RYR3: variants seen among roughly 807,000 people sequenced by gnomAD.
RYR3 encodes ryanodine receptor 3.
In RYR3, 207 loss-of-function variants were observed where a neutral mutation model predicts 584.3. The ratio of observed to expected loss-of-function variants is 0.35; its 90% CI spans 0.32 to 0.40. The LOEUF (loss-of-function observed/expected upper bound fraction) is 0.40. Among genes scored for constraint, RYR3 ranks in the 10% least tolerant of loss-of-function variants. The probability of loss-of-function intolerance (pLI) is 1.00; values close to 1 mark genes in which losing one functional copy is unlikely to be tolerated. For missense variants in RYR3, 5,616 were observed against 6,089.2 expected, an observed-to-expected ratio of 0.92 and a Z score of 2.59; for synonymous variants, 2,416 against 2,248.5, an observed-to-expected ratio of 1.07 and a Z score of -2.11.
At chr15:33,441,889 A>T (rs1042822428) in intron 1 of RYR3, among the ~76,000 whole-genome samples, 1 of 152,194 alleles carries the variant, frequency 6.6e-6, no homozygotes, top group African/African-American at 2.4e-5. Context: ...TAGGAAAGAG[A>T]AGACACAGGA....
chr15:33,638,202 G>T (rs1391860875), intron 27 of RYR3, among the ~76,000 whole-genome samples: 1 of 152,166 alleles, frequency 6.6e-6, no homozygotes, highest in African/African-American at 2.4e-5. Context: ...GAATGATGTT[G>T]CCAGAAGAAG....
chr15:33,522,079 C>A (rs1366548654), intron 3 of RYR3, among the ~76,000 whole-genome samples: 12 of 144,236 alleles, frequency 8.3e-5, no homozygotes. Flanking sequence ...TATGGCAAAA[C>A]CCCATCTCTA....
chr15:33,398,543 T>A (rs1261030677), intron 1 of RYR3, among the ~76,000 whole-genome samples: 1 of 152,164 alleles, frequency 6.6e-6, no homozygotes. Flanking sequence ...AATTAGTCAG[T>A]GTATCTATAC....
intron 27 of RYR3, among the ~76,000 whole-genome samples, chr15:33,641,846 G>A (rs946892108): frequency 3.3e-5 from 5 of 152,196 alleles, no homozygotes; most frequent in African/African-American, 1.2e-4. Flanking sequence ...TGCCCCACAG[G>A]GACAACACTT....
intron 45 of RYR3, among the ~76,000 whole-genome samples, chr15:33,725,899 G>A (rs1031457308): frequency 4.1e-5 from 6 of 148,030 alleles, no homozygotes; most frequent in South Asian, 2.1e-4. Flanking sequence ...GAACCTGGGA[G>A]GCGGAGCTTG....
At chr15:33,613,112 C>T in intron 18 of RYR3, 71 bp from the exon 19 acceptor site, 3 of 1,238,724 alleles carry the variant, frequency 2.4e-6, no homozygotes, top group Non-Finnish European at 3.5e-6. Context: ...CCGCAGAGGC[C>T]TCTGAGCCTT....
intron 31 of RYR3, among the ~76,000 whole-genome samples, chr15:33,651,614 C>T (rs567872643): frequency 6.6e-4 from 100 of 152,290 alleles, no homozygotes; most frequent in Non-Finnish European, 1.1e-3. Context: ...TGAAGCAACT[C>T]TCAGAGTTTA....
chr15:33,852,931 G>T (rs2079255597), intron 94 of RYR3, 114 bp from the exon 95 acceptor site: 8 of 863,650 alleles, frequency 9.3e-6, no homozygotes, highest in Admixed American at 2.3e-5. Context: ...TCTTTGGTGA[G>T]CAGGACACAA....
intron 32 of RYR3, among the ~76,000 whole-genome samples, chr15:33,656,964 T>G (rs2062853131): frequency 6.6e-6 from 1 of 152,178 alleles, no homozygotes. Context: ...TTGCATTACA[T>G]CTGCAGAATG....
At chr15:33,582,694 G>GCTAT (rs2058655842) in intron 14 of RYR3, among the ~76,000 whole-genome samples, 1 of 152,132 alleles carries the variant, frequency 6.6e-6, no homozygotes. Flanking sequence ...AACTGATGGA[G>GCTAT]CTATGGCTTG....
At chr15:33,455,368 C>T (rs1031696092) in intron 1 of RYR3, among the ~76,000 whole-genome samples, 6 of 152,052 alleles carry the variant, frequency 3.9e-5, no homozygotes, top group Non-Finnish European at 8.8e-5. Context: ...TTGAGTTAAT[C>T]GTCAACTTGG....
Position 33,789,624 on chromosome 15 carries a change from TTATATATATATATATATATA to T in RYR3, c.9830+1182_9830+1201del, listed in dbSNP as rs1567174689. Among the ~76,000 whole-genome samples, 7 of 11,694 alleles carry T rather than the reference TTATATATATATATATATATA, an allele frequency of 6.0e-4. 2 individuals carry two copies. Among genetic ancestry groups the T allele is most frequent in the Non-Finnish European group, 6.9e-4 (4 of 5,786 alleles). 7.7% of individuals were successfully genotyped at this position (11,694 alleles called of 152,430 possible). A position where few individuals can be genotyped will look rare whatever the true frequency, so the allele number is the denominator to read the frequency against. On this transcript the variant is annotated intron_variant, in intron 67 of 103. Coordinates refer to ENST00000634891, the MANE Select transcript of RYR3 (RefSeq NM_001036.6). ...TATATGCATGTTACCAGGTTTTATT[TTATATATATATATATATATA>T]TATATATATATATATTTTTTTTTTT...
chr15:33,566,928 A>C (rs555128251), intron 12 of RYR3, 129 bp downstream of exon 12: 1 of 1,069,400 alleles, frequency 9.4e-7, no homozygotes, highest in Non-Finnish European at 1.4e-6. Context: ...GAGTTTTACC[A>C]TCAAGAGCTT....
chr15:33,683,268 A>G (rs893113168), intron 38 of RYR3, among the ~76,000 whole-genome samples: 2 of 152,080 alleles, frequency 1.3e-5, no homozygotes, highest in African/African-American at 4.8e-5. Flanking sequence ...TGCTGGGATT[A>G]CAGGTGTGAG....
At position 33,390,808 on chromosome 15, in the gene RYR3, C is replaced by T. The variant is rs61738947; in HGVS notation, c.51+79712C>T. Among the ~76,000 whole-genome samples, 3,464 of 152,198 alleles carry T rather than the reference C, an allele frequency of 0.023. 133 individuals are homozygous for T. Among genetic ancestry groups the T allele is most frequent in the African/African-American group, 0.079 (3,262 of 41,486 alleles). On this transcript the variant is annotated intron_variant, in intron 1 of 103. Transcript: ENST00000634891. This position sits in a 1 kb window ranked among gnomAD's most constrained non-coding sequence, Gnocchi z 4.2. ...CTGTGACCATACCCCAATAAAAACC[C>T]TGGATGCTGACTCCATAATGGGATC...
chr15:33,752,112 A>G (rs998671018), intron 57 of RYR3, among the ~76,000 whole-genome samples: 12 of 152,276 alleles, frequency 7.9e-5, no homozygotes, highest in Middle Eastern at 3.4e-3. Context: ...TACCAGTACC[A>G]TGCTGTTTTT....
intron 67 of RYR3, among the ~76,000 whole-genome samples, chr15:33,797,328 C>T (rs747272451): frequency 3.3e-5 from 5 of 151,954 alleles, no homozygotes; most frequent in Admixed American, 6.6e-5. Context: ...GAAAATCAAG[C>T]GACTAAATAT....
At chr15:33,654,374 G>T (rs1472468747) in intron 32 of RYR3, among the ~76,000 whole-genome samples, 1 of 152,006 alleles carries the variant, frequency 6.6e-6, no homozygotes, top group African/African-American at 2.4e-5. Context: ...AATTAGCTGG[G>T]TGTGGTGGCA....
chr15:33,698,123 C>T, intron 40 of RYR3, 127 bp downstream of exon 40: 1 of 686,064 alleles, frequency 1.5e-6, no homozygotes, highest in Middle Eastern at 3.7e-4. Flanking sequence ...AAGGGATAGG[C>T]ACAGTGCCAA....
Sources: allele counts gnomAD v4.1 joint callset (sites outside exome capture counted in the v4.1 genomes callset), GRCh38; gene constraint gnomAD v4.1.1; non-coding constraint Gnocchi (gnomAD v3.1); transcripts MANE v1.5; gene names NCBI Gene and HGNC (gene_info 2026-07-23, HGNC 2026-07-21).